GLOD4: variants seen among roughly 807,000 people sequenced by gnomAD.
The protein encoded by GLOD4 is glyoxalase domain-containing protein 4.
Under a neutral mutation model 39.1 loss-of-function variants are expected in GLOD4, and 44 were observed. The ratio of observed to expected loss-of-function variants is 1.13; its 90% CI spans 0.88 to 1.45. GLOD4 has a LOEUF of 1.45. Among genes scored for constraint, GLOD4 ranks in the 40% most tolerant of loss-of-function variants. The pLI is 0.00. For synonymous variants in GLOD4, 145 were observed against 135.0 expected (o/e 1.07, Z -0.52); for missense variants, 405 against 366.4 (o/e 1.11, Z -0.86).
chr17:778,443 G>C (rs796115981), intron 2 of GLOD4: 5 of 587,554 alleles, frequency 8.5e-6, no homozygotes, highest in Admixed American at 3.1e-5. Flanking sequence ...TTGTATGAGA[G>C]TGCAGAGAAA....
intron 3 of GLOD4, 123 bp downstream of exon 3, chr17:776,745 C>G: frequency 1.3e-6 from 1 of 752,192 alleles, no homozygotes; most frequent in South Asian, 1.6e-5. Flanking sequence ...AACTCCCTGA[C>G]CTCTTTTGAG....
chr17:776,623 T>C (rs1159059994), intron 3 of GLOD4, among the ~76,000 whole-genome samples: 1 of 152,188 alleles, frequency 6.6e-6, no homozygotes. Flanking sequence ...CGTTCTCTAT[T>C]CCAGCCACAC....
At chr17:771,288 T>A (rs751037060) in intron 5 of GLOD4, 37 bp downstream of exon 5, 1 of 1,445,404 alleles carries the variant, frequency 6.9e-7, no homozygotes, top group East Asian at 2.4e-5. Flanking sequence ...CAAGCCAAAT[T>A]CAAAGTAACA....
At position 782,251 on chromosome 17, in the gene GLOD4, G is replaced by A. The variant is rs1185172617; in HGVS notation, c.5C>T (p.Ala2Val). The A allele has an allele frequency of 6.2e-7, 1 of 1,613,422 alleles. No homozygotes were observed. The highest frequency in any genetic ancestry group is 8.5e-7 in the Non-Finnish European group (1 of 1,179,730). ...TACGAAGTGCAGAGCTCTGCGAGCAGCCATGATTCCCGCCGCACGCAGCCG... is the reference window on the plus strand; with the variant it reads ...TACGAAGTGCAGAGCTCTGCGAGCAACCATGATTCCCGCCGCACGCAGCCG... MAARRALHFVFK... is the reference protein window; with the variant it reads MVARRALHFVFK... The change falls in exon 1 of 9, where the codon GCT becomes GTT. Residue 2 changes from alanine to valine, a missense_variant. Transcript: ENST00000301329.
At position 768,324 on chromosome 17, in the gene GLOD4, A is replaced by G. The variant is rs1006300565; in HGVS notation, c.831+1545T>C. On this transcript the variant is annotated intron_variant, in intron 8 of 8. Transcript: ENST00000301329. ...CAGATTTTTAGAAGAAGAAATCTGA[A>G]GAGGACGTGAGAGAGAGAAACAGCG... Among the ~76,000 whole-genome samples the G allele has an allele frequency of 2.0e-5, 3 of 147,312 alleles. No homozygotes were observed. The East Asian group carries it at 6.3e-4, about 31-fold the overall frequency.
Position 778,730 on chromosome 17 carries a change from C to T in GLOD4, c.105G>A (p.Glu35=). 1 of 1,602,634 alleles carries T rather than the reference C, an allele frequency of 6.2e-7. No individual in the cohort carries two copies. Among genetic ancestry groups the T allele is most frequent in the East Asian group, 2.2e-5 (1 of 44,848 alleles). The change falls in exon 2 of 9, where the codon GAG becomes GAA. Residue 35 remains glutamate, a synonymous_variant. Transcript: ENST00000301329. ...CAGCTTTGCAGCCTTCTTCAAATTCCTCATGCCGCAGAACCTGGTGTGAGA... is the reference window on the plus strand; with the variant it reads ...CAGCTTTGCAGCCTTCTTCAAATTCTTCATGCCGCAGAACCTGGTGTGAGA... ...DVLGMKVLRH[E]EFEEGCKAAC...
chr17:780,220 A>T (rs1909655920), intron 1 of GLOD4, among the ~76,000 whole-genome samples: 1 of 152,192 alleles, frequency 6.6e-6, no homozygotes, highest in African/African-American at 2.4e-5. Flanking sequence ...ATCCTTCCTT[A>T]ATAACACCAA....
rs768237197 is a variant in GLOD4, at chr17:775,829, C to T, written c.352G>A (p.Glu118Lys). 6.2e-5 allele frequency: 100 copies of T among 1,613,990 alleles called. No homozygotes were observed. The highest frequency in any genetic ancestry group is 4.7e-4 in the South Asian group (43 of 91,080). ...TEVAEGVFET[E>K]APGGYKFYLQ... ...TAGAACTTATATCCTCCCGGGGCCT[C>T]GGTTTCAAAAACACCTTCTGCAACT... is the stretch of plus-strand genomic sequence containing the variant. The change falls in exon 4 of 9, where the codon GAG (glutamate) becomes AAG (lysine). Residue 118 changes from glutamate (E) to lysine (K), a missense_variant. Coordinates refer to ENST00000301329, the MANE Select transcript of GLOD4 (RefSeq NM_016080.4).
intron 8 of GLOD4, among the ~76,000 whole-genome samples, chr17:767,668 TGA>T (rs781299827): frequency 2.1e-4 from 29 of 136,998 alleles, no homozygotes; most frequent in South Asian, 7.1e-4. Context: ...GGAGAGGACG[TGA>T]GAGAGAGAAA....
At chr17:778,421 G>A in intron 2 of GLOD4, 1 of 541,626 alleles carries the variant, frequency 1.8e-6, no homozygotes. Flanking sequence ...ATCCCTTTGT[G>A]TCCCACAGGT....
intron 1 of GLOD4, chr17:780,658 G>T (rs112383776): frequency 0.017 from 2,510 of 150,450 alleles, 33 homozygotes; most frequent in East Asian, 0.059. Context: ...CAGGAGAATG[G>T]TGTGAACCCG....
intron 8 of GLOD4, 45 bp downstream of exon 8, chr17:769,823 AT>A: frequency 9.2e-7 from 1 of 1,081,728 alleles, no homozygotes; most frequent in Non-Finnish European, 1.4e-6. Flanking sequence ...ACTTAATGCC[AT>A]CCCTCTCAGG....
chr17:784,376 A>G (rs998379327), upstream of GLOD4, among the ~76,000 whole-genome samples: 4 of 152,212 alleles, frequency 2.6e-5, no homozygotes, highest in African/African-American at 9.6e-5. Context: ...CTAAGTAACC[A>G]TATTCTCACT....
chr17:764,897 C>G (rs1906226384), intron 8 of GLOD4: 1 of 150,868 alleles, frequency 6.6e-6, no homozygotes, highest in South Asian at 2.1e-4. Flanking sequence ...GTCCCAGCTA[C>G]TCGGTAGGCT....
intron 8 of GLOD4, among the ~76,000 whole-genome samples, chr17:768,079 G>T (rs1907031116): frequency 1.3e-5 from 2 of 148,962 alleles, no homozygotes; most frequent in Admixed American, 6.7e-5. Flanking sequence ...CGCGCACTCA[G>T]ATTTTTAGAA....
chr17:773,828 T>C (rs982434608), intron 4 of GLOD4, among the ~76,000 whole-genome samples: 1 of 152,186 alleles, frequency 6.6e-6, no homozygotes, highest in African/African-American at 2.4e-5. Context: ...CCCAGTTGAC[T>C]TGGAGCCTGA....
In GLOD4 at chr17:775,926, C is replaced by T. The variant is rs777724634; in HGVS notation, c.262-7G>A. ...TAGAAGCGAGCGTGATTCCCTACAA[C>T]AAACAACAGTACATCCAAGTACATG... On this transcript the variant is annotated splice_region_variant and splice_polypyrimidine_tract_variant and intron_variant, in intron 3 of 8. Coordinates refer to ENST00000301329, the MANE Select transcript of GLOD4 (RefSeq NM_016080.4). 3 of 1,611,238 alleles carry T rather than the reference C, an allele frequency of 1.9e-6. No homozygotes were observed. Among genetic ancestry groups the T allele is most frequent in the Non-Finnish European group, 2.5e-6 (3 of 1,177,532 alleles).
chr17:782,503 T>G (rs1440358545), upstream of GLOD4: 1 of 1,613,498 alleles, frequency 6.2e-7, no homozygotes, highest in Admixed American at 1.7e-5. Flanking sequence ...AAAGTGGTGT[T>G]TCCTTCCGGA....
chr17:773,460 TG>T (rs1329287914), intron 4 of GLOD4, among the ~76,000 whole-genome samples: 8 of 152,338 alleles, frequency 5.3e-5, no homozygotes, highest in African/African-American at 1.7e-4. Flanking sequence ...GACAAAAGAT[TG>T]GAAAGATATA....
Sources: gnomAD v4.1 joint callset for allele counts (sites outside exome capture counted in the v4.1 genomes callset) on GRCh38, gnomAD v4.1.1 for gene constraint, MANE v1.5 for transcripts, NCBI Gene and HGNC (gene_info 2026-07-23, HGNC 2026-07-21) for gene names.